Variants in PDGFRA observed in about 807,000 individuals in gnomAD.
PDGFRA encodes the protein platelet-derived growth factor receptor alpha.
PDGFRA carries 25 observed loss-of-function variants against 121.5 expected under a neutral mutation model. That is an observed-to-expected ratio of 0.21 (90% CI 0.15 to 0.29). PDGFRA has a LOEUF of 0.29. Among genes scored for constraint, PDGFRA ranks in the 10% least tolerant of loss-of-function variants. The probability of loss-of-function intolerance (pLI) is 1.00; values close to 1 mark genes in which losing one functional copy is unlikely to be tolerated. For synonymous variants in PDGFRA, 463 were observed against 494.8 expected, an observed-to-expected ratio of 0.94 and a Z score of 0.85; for missense variants, 1,008 against 1,345.1, an observed-to-expected ratio of 0.75 and a Z score of 3.92.
chr4:54,229,362 C>T lies in PDGFRA; in HGVS notation c.-66C>T, dbSNP rs576615653. ...AAGAGATCATTGGAGGCCGTGGGCA[C>T]GCTCTTTACTCCATGTGTGGGACAT... On this transcript the variant is annotated 5_prime_UTR_variant, in exon 1 of 23. In the 5' UTR this introduces an upstream ATG that the reference lacks. Coordinates refer to ENST00000257290, the MANE Select transcript of PDGFRA (RefSeq NM_006206.6). 2.8e-5 allele frequency: 11 copies of T among 398,552 alleles called. No individual in the cohort carries two copies. In the South Asian group the frequency reaches 5.1e-4, roughly 18 times the overall value. 24.7% of individuals were successfully genotyped at this position (398,552 alleles called of 1,614,324 possible). A position where few individuals can be genotyped will look rare whatever the true frequency, so the allele number is the denominator to read the frequency against.
chr4:54,272,746 A>G (rs1382430749), intron 9 of PDGFRA, among the ~76,000 whole-genome samples: 1 of 152,170 alleles, frequency 6.6e-6, no homozygotes, highest in Non-Finnish European at 1.5e-5. Flanking sequence ...TTTAAGAACC[A>G]CTGTTCTAAG....
In PDGFRA at chr4:54,244,223, C is replaced by T. The variant is rs572070528; in HGVS notation, c.-12-14534C>T. ...GCTTTGAAGAGAGCAGTGATTCTCC[C>T]AGCACACAGCTGGAGATCTGAGAAC... On this transcript the variant is annotated intron_variant, in intron 1 of 22. Transcript: ENST00000257290. Among the ~76,000 whole-genome samples the T allele has an allele frequency of 2.5e-4, 38 of 152,336 alleles. 1 individual carries two copies. In the South Asian group the frequency reaches 4.8e-3, roughly 19 times the overall value.
chr4:54,249,661 C>G (rs13435164), intron 1 of PDGFRA, among the ~76,000 whole-genome samples: 51,390 of 151,564 alleles, frequency 0.34, 10,814 homozygotes, highest in African/African-American at 0.6. Flanking sequence ...GGGAGGGATA[C>G]CTTTAGGAGA....
intron 18 of PDGFRA, 90 bp downstream of exon 18, chr4:54,286,053 T>C (rs1326117345): frequency 8.1e-6 from 11 of 1,362,298 alleles, no homozygotes; most frequent in Non-Finnish European, 9.4e-6. Context: ...TCGGTGCCTG[T>C]TTTTTAAAAC....
intron 16 of PDGFRA, chr4:54,281,920 A>G (rs993080682): frequency 2.6e-6 from 3 of 1,158,018 alleles, no homozygotes; most frequent in Admixed American, 4.6e-5. Context: ...TTAACAAATT[A>G]TAAGCAAAGT....
At chr4:54,233,780 G>T (rs1234507661) in intron 1 of PDGFRA, among the ~76,000 whole-genome samples, 1 of 152,250 alleles carries the variant, frequency 6.6e-6, no homozygotes, top group East Asian at 1.9e-4. Flanking sequence ...GGCAGGCGCC[G>T]TCTTCTGCGT....
At chr4:54,245,394 G>C (rs1445487506) in intron 1 of PDGFRA, among the ~76,000 whole-genome samples, 1 of 152,196 alleles carries the variant, frequency 6.6e-6, no homozygotes, top group Non-Finnish European at 1.5e-5. Flanking sequence ...CCAGAAGAGA[G>C]TGGGGGCCAA....
chr4:54,263,536 T>C, intron 3 of PDGFRA, 131 bp from the exon 4 acceptor site: 1 of 880,492 alleles, frequency 1.1e-6, no homozygotes, highest in South Asian at 1.4e-5. Context: ...GTGGGGCAAT[T>C]CTTCTGGATA....
intron 16 of PDGFRA, among the ~76,000 whole-genome samples, chr4:54,283,919 A>G (rs1053901624): frequency 3.3e-5 from 5 of 152,204 alleles, no homozygotes; most frequent in African/African-American, 9.6e-5. Context: ...TCTTTTAAAT[A>G]TAAGTTTCAA....
chr4:54,260,394 T>C (rs1340593647), intron 2 of PDGFRA, among the ~76,000 whole-genome samples: 2 of 126,472 alleles, frequency 1.6e-5, no homozygotes, highest in Non-Finnish European at 3.3e-5. Context: ...TTATTCCATG[T>C]GGGTTTTTTT....
chr4:54,292,925 G>A (rs528846506), intron 22 of PDGFRA, among the ~76,000 whole-genome samples: 2 of 152,020 alleles, frequency 1.3e-5, no homozygotes, highest in East Asian at 1.9e-4. Context: ...AATACCTATC[G>A]GATACTGTGC....
chr4:54,278,066 T>C (rs1723838417), intron 14 of PDGFRA, 60 bp downstream of exon 14: 1 of 1,026,726 alleles, frequency 9.7e-7, no homozygotes. Flanking sequence ...TGAAAACTGT[T>C]CAATCAGGCT....
intron 1 of PDGFRA, among the ~76,000 whole-genome samples, chr4:54,257,658 T>C (rs1173500090): frequency 6.6e-6 from 1 of 152,184 alleles, no homozygotes; most frequent in East Asian, 1.9e-4. Context: ...ACCTACAAGT[T>C]CATTCACAGT....
chr4:54,234,132 C>T (rs1295476811), intron 1 of PDGFRA, among the ~76,000 whole-genome samples: 1 of 152,190 alleles, frequency 6.6e-6, no homozygotes, highest in Non-Finnish European at 1.5e-5. Flanking sequence ...GACGTCTTCC[C>T]GAAGCCCCGC....
rs1577705335 is a variant in PDGFRA, at chr4:54,261,252, G to A, written c.207G>A (p.Val69=). The change falls in exon 3 of 23, where the codon GTG becomes GTA. Residue 69 remains valine (V), a synonymous_variant. Coordinates refer to ENST00000257290, the MANE Select transcript of PDGFRA (RefSeq NM_006206.6). The part of the protein sequence containing the change: ...YPMSEEESSD[V]EIRNEENNSG... Reference sequence around the variant, plus strand: ...TGTCTGAAGAAGAGAGCTCCGATGTGGAAATCAGAAATGAAGAAAACAACA... The same window carrying A: ...TGTCTGAAGAAGAGAGCTCCGATGTAGAAATCAGAAATGAAGAAAACAACA... The A allele has an allele frequency of 6.2e-7, 1 of 1,614,134 alleles. No individual in the cohort carries two copies. The highest frequency in any genetic ancestry group is 8.5e-7 in the Non-Finnish European group (1 of 1,180,018).
intron 1 of PDGFRA, among the ~76,000 whole-genome samples, chr4:54,245,663 C>T (rs1282913172): frequency 6.6e-6 from 1 of 151,780 alleles, no homozygotes; most frequent in African/African-American, 2.4e-5. Flanking sequence ...AACTAACGAG[C>T]AAAATAACCA....
intron 1 of PDGFRA, among the ~76,000 whole-genome samples, chr4:54,233,561 GC>G (rs1560444136): frequency 1.3e-5 from 2 of 152,230 alleles, no homozygotes; most frequent in African/African-American, 4.8e-5. Context: ...AACCCCGGGG[GC>G]CCGGAGCGGA....
At chr4:54,278,580 A>C (rs1723889585) in intron 15 of PDGFRA, 65 bp downstream of exon 15, 12 of 1,484,310 alleles carry the variant, frequency 8.1e-6, no homozygotes, top group Non-Finnish European at 1.1e-5. Flanking sequence ...GGAAAGACCC[A>C]TGTCCTGATA....
At chr4:54,231,047 C>G (rs1457037864) in intron 1 of PDGFRA, among the ~76,000 whole-genome samples, 1 of 152,214 alleles carries the variant, frequency 6.6e-6, no homozygotes, top group African/African-American at 2.4e-5. Flanking sequence ...GGCCTGGCCT[C>G]GCGTCTTGGT....
Sources: allele counts gnomAD v4.1 joint callset (sites outside exome capture counted in the v4.1 genomes callset), GRCh38; gene constraint gnomAD v4.1.1; transcripts MANE v1.5; gene names NCBI Gene and HGNC (gene_info 2026-07-23, HGNC 2026-07-21).